The following C12orf42 variants were observed in gnomAD, a reference collection of about 807,000 sequenced individuals.
C12orf42 encodes chromosome 12 open reading frame 42.
In C12orf42, 25 loss-of-function variants were observed where a neutral mutation model predicts 21.6. That is an observed-to-expected ratio of 1.16 (90% CI 0.84 to 1.62). C12orf42 has a LOEUF of 1.62. Among genes scored for constraint, C12orf42 ranks in the 40% most tolerant of loss-of-function variants. C12orf42 has a pLI of 0.00. For synonymous variants in C12orf42, 174 were observed against 175.0 expected (o/e 0.99, Z 0.05); for missense variants, 483 against 459.3 (o/e 1.05, Z -0.47).
the C12orf42 span, among the ~76,000 whole-genome samples, chr12:103,057,002 T>G: frequency 6.6e-6 from 1 of 152,184 alleles, no homozygotes; most frequent in Non-Finnish European, 1.5e-5. Flanking sequence ...TAGCATCTAG[T>G]GATTGTCATT....
the C12orf42 span, among the ~76,000 whole-genome samples, chr12:103,050,344 T>G: frequency 6.6e-6 from 1 of 152,076 alleles, no homozygotes; most frequent in African/African-American, 2.4e-5. Flanking sequence ...GCATTTACCA[T>G]AGTGCCTTGT....
the C12orf42 span, among the ~76,000 whole-genome samples, chr12:103,137,731 G>A: frequency 6.6e-6 from 1 of 152,170 alleles, no homozygotes; most frequent in Non-Finnish European, 1.5e-5. Flanking sequence ...AACATGGATG[G>A]AACTGGAGGG....
chr12:103,280,592 C>T (rs1269759863), intron 4 of C12orf42, among the ~76,000 whole-genome samples: 1 of 152,116 alleles, frequency 6.6e-6, no homozygotes, highest in Non-Finnish European at 1.5e-5. Context: ...GCACTCCAAC[C>T]TGGGTGACAG....
At chr12:103,254,196 G>T (rs1004576752) in intron 10 of C12orf42, among the ~76,000 whole-genome samples, 1 of 152,048 alleles carries the variant, frequency 6.6e-6, no homozygotes, top group African/African-American at 2.4e-5. Flanking sequence ...TCTGCATATG[G>T]CTAGCCACTT....
intron 5 of C12orf42, among the ~76,000 whole-genome samples, chr12:103,274,742 C>T (rs932001264): frequency 1.3e-5 from 2 of 152,140 alleles, no homozygotes; most frequent in African/African-American, 4.8e-5. Flanking sequence ...AGGTTCAGCA[C>T]TTGTTGCCAA....
the C12orf42 span, among the ~76,000 whole-genome samples, chr12:103,124,626 A>G: frequency 4.6e-5 from 7 of 152,180 alleles, no homozygotes; most frequent in African/African-American, 1.7e-4. Context: ...GATACAGATC[A>G]GAAAACTCAT....
chr12:103,495,697 A>AC (rs1203485284), intron 1 of C12orf42: 1 of 148,380 alleles, frequency 6.7e-6, no homozygotes, highest in Non-Finnish European at 1.5e-5. Flanking sequence ...TTGGCCCCCC[A>AC]CCCCCCTGCC....
the C12orf42 span, among the ~76,000 whole-genome samples, chr12:103,507,127 A>AAT: frequency 5.7e-5 from 1 of 17,394 alleles, no homozygotes; most frequent in Non-Finnish European, 7.6e-5. Flanking sequence ...ATTTATATAT[A>AAT]ATATATATTA....
At chr12:103,404,921 C>G (rs1014138715) in intron 2 of C12orf42, among the ~76,000 whole-genome samples, 2 of 152,224 alleles carry the variant, frequency 1.3e-5, no homozygotes, top group Non-Finnish European at 2.9e-5. Context: ...AGTGCACACG[C>G]ACGCATTTAT....
chr12:103,369,354 A>G (rs1186030688), intron 3 of C12orf42, among the ~76,000 whole-genome samples: 1 of 152,094 alleles, frequency 6.6e-6, no homozygotes, highest in Non-Finnish European at 1.5e-5. Context: ...TGACAAAAAA[A>G]AACAAATATA....
At chr12:103,526,275 C>T in the C12orf42 span, among the ~76,000 whole-genome samples, 1 of 152,226 alleles carries the variant, frequency 6.6e-6, no homozygotes, top group African/African-American at 2.4e-5. Flanking sequence ...TTTGCTTTTT[C>T]TAAGCATATT....
chr12:103,419,737 C>T (rs963559504), intron 2 of C12orf42, among the ~76,000 whole-genome samples: 3 of 152,174 alleles, frequency 2.0e-5, no homozygotes, highest in African/African-American at 7.2e-5. Flanking sequence ...AGAATATTAG[C>T]TCAGAATCAC....
intron 2 of C12orf42, among the ~76,000 whole-genome samples, chr12:103,446,052 C>A (rs1011669331): frequency 1.3e-5 from 2 of 152,040 alleles, no homozygotes; most frequent in Middle Eastern, 3.4e-3. Flanking sequence ...TAGCAGCTAA[C>A]TTTATACACT....
intron 5 of C12orf42, among the ~76,000 whole-genome samples, chr12:103,271,243 A>G (rs777859876): frequency 2.7e-4 from 41 of 152,174 alleles, no homozygotes; most frequent in Non-Finnish European, 5.4e-4. Context: ...GTTACTGTAT[A>G]CTTCATGTAC....
the C12orf42 span, among the ~76,000 whole-genome samples, chr12:103,054,537 G>A: frequency 6.6e-6 from 1 of 151,878 alleles, no homozygotes; most frequent in African/African-American, 2.4e-5. Context: ...AATAGGGACT[G>A]TTACATGTTT....
chr12:103,231,448 G>A, the C12orf42 span, among the ~76,000 whole-genome samples: 1 of 152,140 alleles, frequency 6.6e-6, no homozygotes, highest in Non-Finnish European at 1.5e-5. Context: ...GAATTCATGT[G>A]TTCTGCCTAT....
chr12:103,450,623 C>T (rs759743715), intron 2 of C12orf42, among the ~76,000 whole-genome samples: 20 of 152,206 alleles, frequency 1.3e-4, no homozygotes, highest in Middle Eastern at 6.8e-3. Flanking sequence ...GTCAACCCCA[C>T]GGTCTCCCCT....
chr12:103,085,579 G>A, the C12orf42 span, among the ~76,000 whole-genome samples: 26 of 150,150 alleles, frequency 1.7e-4, no homozygotes, highest in African/African-American at 5.6e-4. Context: ...AATTAAGGTC[G>A]ACCTCCTCCG....
the C12orf42 span, among the ~76,000 whole-genome samples, chr12:103,207,353 G>A: frequency 6.6e-6 from 1 of 152,230 alleles, no homozygotes; most frequent in African/African-American, 2.4e-5. Context: ...GCACCACACA[G>A]AAATATTTGA....
Sources: allele counts gnomAD v4.1 joint callset (sites outside exome capture counted in the v4.1 genomes callset), GRCh38; gene constraint gnomAD v4.1.1; transcripts MANE v1.5; gene names NCBI Gene and HGNC (gene_info 2026-07-23, HGNC 2026-07-21).